The following CNTN4 variants were observed in gnomAD, a reference collection of about 807,000 sequenced individuals.
The protein encoded by CNTN4 is contactin-4.
In CNTN4, 77 loss-of-function variants were observed where a neutral mutation model predicts 122.5. That is an observed-to-expected ratio of 0.63 (90% CI 0.52 to 0.76). CNTN4 has a LOEUF of 0.76. Among genes scored for constraint, CNTN4 ranks in the 30% least tolerant of loss-of-function variants. The pLI, the probability that CNTN4 is intolerant of heterozygous loss-of-function variation, is 0.00. For synonymous variants in CNTN4, 512 were observed against 447.0 expected (o/e 1.15, Z -1.83); for missense variants, 1,256 against 1,259.1 (o/e 1.00, Z 0.04).
chr3:2,403,140 C>G (rs1257963494), intron 3 of CNTN4, among the ~76,000 whole-genome samples: 1 of 151,860 alleles, frequency 6.6e-6, no homozygotes. Context: ...CTGCTTAAAC[C>G]TTCTCTCTAT....
chr3:2,257,693 A>C (rs1212366298), intron 2 of CNTN4, among the ~76,000 whole-genome samples: 1 of 152,132 alleles, frequency 6.6e-6, no homozygotes, highest in Admixed American at 6.5e-5. Context: ...ACTTATCATC[A>C]CTGGTCATTA....
At chr3:2,516,093 G>T (rs2149107059) in intron 3 of CNTN4, among the ~76,000 whole-genome samples, 1 of 151,802 alleles carries the variant, frequency 6.6e-6, no homozygotes, top group South Asian at 2.1e-4. Flanking sequence ...TTTTATTATT[G>T]GGAGGTCTCT....
chr3:2,405,417 T>C (rs1351070522), intron 3 of CNTN4, among the ~76,000 whole-genome samples: 1 of 152,068 alleles, frequency 6.6e-6, no homozygotes, highest in African/African-American at 2.4e-5. Flanking sequence ...ACTTTGGCAC[T>C]AAAAAGTTAG....
chr3:2,343,718 C>G (rs1012308291), intron 3 of CNTN4, among the ~76,000 whole-genome samples: 5 of 152,292 alleles, frequency 3.3e-5, no homozygotes, highest in South Asian at 4.1e-4. Flanking sequence ...TGCCAAGAAC[C>G]TGGACAACTC....
intron 10 of CNTN4, among the ~76,000 whole-genome samples, chr3:2,895,952 G>T (rs1239967524): frequency 6.6e-6 from 1 of 152,228 alleles, no homozygotes; most frequent in South Asian, 2.1e-4. Context: ...AGAATGGCGT[G>T]AACCCAGAAG....
At chr3:2,363,615 T>C (rs183867640) in intron 3 of CNTN4, among the ~76,000 whole-genome samples, 1 of 152,322 alleles carries the variant, frequency 6.6e-6, no homozygotes, top group Admixed American at 6.5e-5. Context: ...TCCTGGGAGC[T>C]GCAGTTTAGA....
chr3:2,563,103 A>C (rs193209462), intron 3 of CNTN4, among the ~76,000 whole-genome samples: 1 of 151,920 alleles, frequency 6.6e-6, no homozygotes, highest in East Asian at 1.9e-4. Context: ...TAAATTCTTT[A>C]AGAAATCTCC....
chr3:2,469,166 G>T (rs749202849), intron 3 of CNTN4, among the ~76,000 whole-genome samples: 2 of 152,132 alleles, frequency 1.3e-5, no homozygotes, highest in Non-Finnish European at 2.9e-5. Flanking sequence ...AATTGACTAA[G>T]TTTCGCTCTT....
At chr3:2,782,292 T>TGG (rs149278946) in intron 6 of CNTN4, among the ~76,000 whole-genome samples, 25 of 149,626 alleles carry the variant, frequency 1.7e-4, no homozygotes, top group South Asian at 1.1e-3. Context: ...AGATGGTAGG[T>TGG]GGGGGGGGGC....
intron 2 of CNTN4, among the ~76,000 whole-genome samples, chr3:2,251,597 G>T (rs532613355): frequency 5.9e-5 from 9 of 151,894 alleles, no homozygotes; most frequent in African/African-American, 2.2e-4. Context: ...TGCCGTTTCT[G>T]TATTTGGATA....
chr3:2,280,393 CT>C (rs1219179831), intron 2 of CNTN4, among the ~76,000 whole-genome samples: 1 of 152,138 alleles, frequency 6.6e-6, no homozygotes, highest in Non-Finnish European at 1.5e-5. Flanking sequence ...TCACTACTCC[CT>C]TTTTTGTTTC....
At chr3:2,652,431 C>G (rs749425488) in intron 4 of CNTN4, among the ~76,000 whole-genome samples, 1 of 152,114 alleles carries the variant, frequency 6.6e-6, no homozygotes. Context: ...AAACAGACAC[C>G]TCTCTCCCAA....
intron 15 of CNTN4, among the ~76,000 whole-genome samples, chr3:3,027,755 A>G (rs1698850202): frequency 6.6e-6 from 1 of 152,196 alleles, no homozygotes; most frequent in South Asian, 2.1e-4. Flanking sequence ...CAGATGCCCG[A>G]CCAATCGAAG....
Position 2,571,688 on chromosome 3 carries a change from C to A in CNTN4, c.55+130C>A. ...TATATGCTGCTATGACTAGCATTTG[C>A]TGACACTGTTGAATATACCTTCCTG... On this transcript the variant is annotated intron_variant, in intron 4 of 24. Transcript: ENST00000418658. The A allele has an allele frequency of 8.2e-6, 6 of 731,450 alleles. No individual in the cohort carries two copies. The South Asian group carries it at 8.8e-5, about 11-fold the overall frequency. The allele number at this position is 731,450 out of a possible 1,614,324, so 45.3% of individuals were successfully genotyped here.
intron 3 of CNTN4, among the ~76,000 whole-genome samples, chr3:2,473,831 G>A (rs1009791654): frequency 2.0e-5 from 3 of 152,004 alleles, no homozygotes; most frequent in Admixed American, 6.6e-5. Context: ...TGACCAATAC[G>A]GAGAAACCCT....
At chr3:2,797,193 G>T (rs573511104) in intron 6 of CNTN4, among the ~76,000 whole-genome samples, 5 of 152,210 alleles carry the variant, frequency 3.3e-5, no homozygotes, top group Non-Finnish European at 7.4e-5. Context: ...TCAAGCTGGG[G>T]TCTCACTATG....
intron 2 of CNTN4, among the ~76,000 whole-genome samples, chr3:2,181,698 C>A (rs926119386): frequency 6.6e-6 from 1 of 152,112 alleles, no homozygotes; most frequent in Non-Finnish European, 1.5e-5. Flanking sequence ...GGATTAGTAC[C>A]TTTCATTCTG....
At chr3:2,516,191 T>G (rs930824654) in intron 3 of CNTN4, among the ~76,000 whole-genome samples, 2 of 151,984 alleles carry the variant, frequency 1.3e-5, no homozygotes, top group Admixed American at 1.3e-4. Flanking sequence ...ATATATATAT[T>G]TTTGATGCAG....
chr3:2,556,186 C>A (rs566484961), intron 3 of CNTN4, among the ~76,000 whole-genome samples: 1 of 152,082 alleles, frequency 6.6e-6, no homozygotes, highest in Non-Finnish European at 1.5e-5. Context: ...AAAATTGGCA[C>A]CAAGAGGCTA....
Sources: allele counts gnomAD v4.1 joint callset (sites outside exome capture counted in the v4.1 genomes callset), GRCh38; gene constraint gnomAD v4.1.1; transcripts MANE v1.5; gene names NCBI Gene and HGNC (gene_info 2026-07-23, HGNC 2026-07-21).